FNDC7: variants seen among roughly 807,000 people sequenced by gnomAD.
FNDC7 encodes the protein fibronectin type III domain containing 7.
FNDC7 carries 66 observed loss-of-function variants against 74.2 expected under a neutral mutation model. That is an observed-to-expected ratio of 0.89 (90% CI 0.73 to 1.09). The LOEUF is 1.09. Ranked by LOEUF, FNDC7 falls within the 50% of genes least tolerant of loss-of-function variation. FNDC7 has a pLI of 0.00. For synonymous variants in FNDC7, 307 were observed against 330.2 expected (o/e 0.93, Z 0.76); for missense variants, 829 against 893.4 (o/e 0.93, Z 0.92).
At chr1:108,715,445 T>C (rs578262056) in intron 2 of FNDC7, among the ~76,000 whole-genome samples, 22 of 152,340 alleles carry the variant, frequency 1.4e-4, no homozygotes, top group South Asian at 4.1e-4. Flanking sequence ...GGCAACATAC[T>C]ACATAGGTGT....
chr1:108,738,279 A>G lies in FNDC7; in HGVS notation c.2170+755A>G. Among the ~76,000 whole-genome samples the G allele has an allele frequency of 1.3e-5, 2 of 152,172 alleles. 1 individual carries two copies. The highest frequency in any genetic ancestry group is 2.9e-5 in the Non-Finnish European group (2 of 68,028). ...GGTGCTGAAAGGGCAGTTGGAATAA[A>G]GAGAACCCTCACTGCCTCCTTGGTT... On this transcript the variant is annotated intron_variant, in intron 11 of 12. Coordinates refer to ENST00000370017, the MANE Select transcript of FNDC7 (RefSeq NM_001144937.3).
At chr1:108,731,294 G>C (rs1352526468) in intron 9 of FNDC7, among the ~76,000 whole-genome samples, 2 of 152,076 alleles carry the variant, frequency 1.3e-5, no homozygotes, top group Non-Finnish European at 2.9e-5. Flanking sequence ...CATTATTATT[G>C]TGCTACTACC....
chr1:108,718,089 T>C, intron 3 of FNDC7, 58 bp downstream of exon 3: 1 of 1,533,982 alleles, frequency 6.5e-7, no homozygotes. Flanking sequence ...GGATCAGTTA[T>C]CCTGGTGCTG....
intron 8 of FNDC7, among the ~76,000 whole-genome samples, chr1:108,729,547 A>AT (rs1661297834): frequency 1.4e-5 from 2 of 147,972 alleles, no homozygotes; most frequent in South Asian, 4.2e-4. Flanking sequence ...AGATTCCGTC[A>AT]CAAAAAAAAA....
In FNDC7 at chr1:108,714,413, C is replaced by T. The variant is rs188652096; in HGVS notation, c.82+884C>T. Among the ~76,000 whole-genome samples the T allele has an allele frequency of 4.6e-5, 7 of 152,224 alleles. No individual in the cohort carries two copies. The South Asian group carries it at 6.2e-4, about 14-fold the overall frequency. ...TTTCCTGGCCAGGTACCAAGGCTCA[C>T]GCCTATAATCTCAGCACTTTGGGAA... is the stretch of plus-strand genomic sequence containing the variant. On this transcript the variant is annotated intron_variant, in intron 2 of 12. Transcript: ENST00000370017.
chr1:108,717,967 C>T lies in FNDC7; in HGVS notation c.273C>T (p.Ile91=). ...TGLKAATWYE[I]TIRSISAAGR... is the part of the protein sequence containing the mutation. ...TAAAGGCTGCAACCTGGTATGAAAT[C>T]ACCATCAGATCCATCAGCGCTGCTG... The change falls in exon 3 of 13, where the codon ATC becomes ATT. Residue 91 remains isoleucine, a synonymous_variant. Transcript: ENST00000370017. The T allele has an allele frequency of 1.3e-6, 2 of 1,551,742 alleles. No individual in the cohort carries two copies. Among genetic ancestry groups the T allele is most frequent in the Non-Finnish European group, 1.7e-6 (2 of 1,147,002 alleles).
At position 108,718,974 on chromosome 1, in the gene FNDC7, C is replaced by G. The variant is rs1661036196; in HGVS notation, c.523C>G (p.Leu175Val). Residue 175 changes from leucine to valine, a missense_variant, in exon 4 of 13, where the codon CTC (leucine) becomes GTC (valine). Transcript: ENST00000370017. ...ATTCACCAGTTTAGAAGCCGGAACTCTCTACACCATAAAGGCCTATGCATG... is the reference window on the plus strand; with the variant it reads ...ATTCACCAGTTTAGAAGCCGGAACTGTCTACACCATAAAGGCCTATGCATG... The part of the protein sequence containing the change: ...LTFTSLEAGT[L>V]YTIKAYAWNA... 3 of 1,552,016 alleles carry G rather than the reference C, an allele frequency of 1.9e-6. No homozygotes were observed. The highest frequency in any genetic ancestry group is 2.6e-6 in the Non-Finnish European group (3 of 1,147,058).
At chr1:108,715,220 G>A (rs925400908) in intron 2 of FNDC7, among the ~76,000 whole-genome samples, 1 of 152,126 alleles carries the variant, frequency 6.6e-6, no homozygotes, top group Non-Finnish European at 1.5e-5. Context: ...CTGGGGCCTC[G>A]TGGGCTAATT....
At chr1:108,713,809 G>A (rs896114534) in intron 2 of FNDC7, among the ~76,000 whole-genome samples, 18 of 152,114 alleles carry the variant, frequency 1.2e-4, no homozygotes, top group Admixed American at 2.0e-4. Context: ...TCTCATATAC[G>A]GTTAGCCATG....
rs748570790 is a variant in FNDC7, at chr1:108,729,548, C to CAA, written c.1624+676_1624+677dup. On this transcript the variant is annotated intron_variant, in intron 8 of 12. Coordinates refer to ENST00000370017, the MANE Select transcript of FNDC7 (RefSeq NM_001144937.3). Reference sequence around the variant, plus strand: ...TGGGCAATAGAGTGAGATTCCGTCACAAAAAAAAAAAAAAATGCTTTCTGA... The same window carrying CAA: ...TGGGCAATAGAGTGAGATTCCGTCACAAAAAAAAAAAAAAAAATGCTTTCTGA... Among the ~76,000 whole-genome samples, 318 of 87,856 alleles carry CAA rather than the reference C, an allele frequency of 3.6e-3. 3 individuals are homozygous for CAA. Among genetic ancestry groups the CAA allele is most frequent in the African/African-American group, 0.012 (297 of 25,700 alleles). The allele number at this position is 87,856 out of a possible 152,430, so 57.6% of individuals were successfully genotyped here. A position where few individuals can be genotyped will look rare whatever the true frequency, so the allele number is the denominator to read the frequency against.
chr1:108,738,354 T>C lies in FNDC7; in HGVS notation c.2170+830T>C, dbSNP rs142642392. 2.0e-3 allele frequency among the ~76,000 whole-genome samples: 306 copies of C among 152,158 alleles called. 6 individuals are homozygous for C. The East Asian group carries it at 0.035, about 18-fold the overall frequency. On this transcript the variant is annotated intron_variant, in intron 11 of 12. Coordinates refer to ENST00000370017, the MANE Select transcript of FNDC7 (RefSeq NM_001144937.3). ...GCTATTTTGGTTGCCCCCACAGAGATGACTCTTGGCAGGGCAGTGGAGATG... is the reference window on the plus strand; with the variant it reads ...GCTATTTTGGTTGCCCCCACAGAGACGACTCTTGGCAGGGCAGTGGAGATG...
At chr1:108,721,066 C>T (rs993821290) in intron 4 of FNDC7, among the ~76,000 whole-genome samples, 2 of 152,248 alleles carry the variant, frequency 1.3e-5, no homozygotes, top group Non-Finnish European at 2.9e-5. Flanking sequence ...AGAACTGCCT[C>T]TGCAGACTAG....
Position 108,722,898 on chromosome 1 carries a change from TAC to T in FNDC7, c.856+310_856+311del, listed in dbSNP as rs1661126605. 3.9e-5 allele frequency among the ~76,000 whole-genome samples: 6 copies of T among 152,264 alleles called. No individual in the cohort carries two copies. In the South Asian group the frequency reaches 1.2e-3, roughly 32 times the overall value. Reference sequence around the variant, plus strand: ...AAATTCTAAGATGTGATTTGAGTTGTACACAGCTCTAACTGTGCATACAGATA... The same window carrying T: ...AAATTCTAAGATGTGATTTGAGTTGTACAGCTCTAACTGTGCATACAGATA... On this transcript the variant is annotated intron_variant, in intron 5 of 12. Transcript: ENST00000370017.
At chr1:108,736,002 C>A (rs1661505283) in intron 10 of FNDC7, among the ~76,000 whole-genome samples, 1 of 151,974 alleles carries the variant, frequency 6.6e-6, no homozygotes, top group Admixed American at 6.6e-5. Context: ...GAGACAAGGT[C>A]TTGCTTTGTT....
chr1:108,714,481 G>A (rs183888681), intron 2 of FNDC7, among the ~76,000 whole-genome samples: 2 of 152,224 alleles, frequency 1.3e-5, no homozygotes, highest in East Asian at 3.9e-4. Context: ...TTCAAGACCA[G>A]CCTGGGCAAC....
chr1:108,733,621 A>C lies in FNDC7; in HGVS notation c.2140+89A>C, dbSNP rs1661445827. 3 of 1,289,624 alleles carry C rather than the reference A, an allele frequency of 2.3e-6. No homozygotes were observed. In the East Asian group the frequency reaches 7.0e-5, roughly 30 times the overall value. 79.9% of individuals were successfully genotyped at this position (1,289,624 alleles called of 1,614,324 possible). ...CAATCAAACTTATTTACTATGTATG[A>C]AGGGCACAGAGGGTATAAAATTTCT... On this transcript the variant is annotated intron_variant, in intron 10 of 12. Coordinates refer to ENST00000370017, the MANE Select transcript of FNDC7 (RefSeq NM_001144937.3).
In FNDC7 at chr1:108,722,561, C is replaced by T. The variant is rs1206649853; in HGVS notation, c.825C>T (p.Ser275=). The part of the protein sequence containing the change: ...SVLASNDAGS[S]KSSSAMTLKT... Reference sequence around the variant, plus strand: ...TAGCAAGTAATGATGCTGGATCTAGCAAATCATCTTCAGCAATGACCCTGA... The same window carrying T: ...TAGCAAGTAATGATGCTGGATCTAGTAAATCATCTTCAGCAATGACCCTGA... Residue 275 remains serine, a synonymous_variant, in exon 5 of 13, where the codon AGC becomes AGT. Transcript: ENST00000370017. The T allele has an allele frequency of 2.5e-6, 4 of 1,613,868 alleles. No individual in the cohort carries two copies.
At position 108,725,796 on chromosome 1, in the gene FNDC7, C is replaced by G; in HGVS notation, c.903C>G (p.Gly301=). 1 of 1,614,166 alleles carries G rather than the reference C, an allele frequency of 6.2e-7. No individual in the cohort carries two copies. The change falls in exon 6 of 13, where the codon GGC becomes GGG. Residue 301 remains glycine (G), a synonymous_variant. Coordinates refer to ENST00000370017, the MANE Select transcript of FNDC7 (RefSeq NM_001144937.3). Reference sequence around the variant, plus strand: ...TGACGATCCAAGAAGATCCCCCTGGCCACCTGTCTGTGGCTTGGTCCAGTG... The same window carrying G: ...TGACGATCCAAGAAGATCCCCCTGGGCACCTGTCTGTGGCTTGGTCCAGTG... ...GRVTIQEDPP[G]HLSVAWSSVD...
chr1:108,713,979 T>C (rs1287836654), intron 2 of FNDC7, among the ~76,000 whole-genome samples: 2 of 152,262 alleles, frequency 1.3e-5, no homozygotes, highest in African/African-American at 4.8e-5. Context: ...AACTTTATAC[T>C]TCTAATATTG....
Sources: gnomAD v4.1 joint callset for allele counts (sites outside exome capture counted in the v4.1 genomes callset) on GRCh38, gnomAD v4.1.1 for gene constraint, MANE v1.5 for transcripts, NCBI Gene and HGNC (gene_info 2026-07-23, HGNC 2026-07-21) for gene names.